ANKRD30A: variants seen among roughly 807,000 people sequenced by gnomAD.
ANKRD30A encodes ankyrin repeat domain-containing protein 30A.
In ANKRD30A, 170 loss-of-function variants were observed where a neutral mutation model predicts 166.3. That is an observed-to-expected ratio of 1.02 (90% confidence interval 0.90 to 1.16). ANKRD30A has a LOEUF of 1.16. Among genes scored for constraint, ANKRD30A ranks in the 50% most tolerant of loss-of-function variants. The pLI, the probability that ANKRD30A is intolerant of heterozygous loss-of-function variation, is 0.00. For synonymous variants in ANKRD30A, 564 were observed against 508.9 expected (o/e 1.11, Z -1.46); for missense variants, 1,630 against 1,518.0 (o/e 1.07, Z -1.23).
the ANKRD30A span, chr10:37,248,274 A>T: frequency 1.8e-6 from 1 of 552,704 alleles, no homozygotes; most frequent in Non-Finnish European, 3.6e-6. Context: ...TGTCACCTCA[A>T]AAAGGCCCTG....
chr10:37,219,557 A>T lies in ANKRD30A; in HGVS notation c.3845A>T (p.Glu1282Val), dbSNP rs1424952808. Reference protein sequence around the residue: ...DALRENTLVSEHAQRDQRETQ... With the variant: ...DALRENTLVSVHAQRDQRETQ... ...CTAAGAGAAAATACATTGGTTTCAG[A>T]ACATGCACAAAGAGACCAACGTGAA... Residue 1282 changes from glutamate (E) to valine (V), a missense_variant, in exon 34 of 36, where the codon GAA (glutamate) becomes GTA (valine). Coordinates refer to ENST00000361713, the MANE Select transcript of ANKRD30A (RefSeq NM_052997.3). 3.7e-6 allele frequency: 6 copies of T among 1,610,388 alleles called. No homozygotes were observed. The highest frequency in any genetic ancestry group is 5.1e-6 in the Non-Finnish European group (6 of 1,177,708).
At chr10:37,204,862 C>T (rs187129824) in intron 31 of ANKRD30A, among the ~76,000 whole-genome samples, 2 of 152,220 alleles carry the variant, frequency 1.3e-5, no homozygotes, top group East Asian at 1.9e-4. Flanking sequence ...TCATCATCAC[C>T]TGTCATCAGA....
Position 37,197,322 on chromosome 10 carries a change from A to C in ANKRD30A, c.2643+13A>C. 1 of 1,613,328 alleles carries C rather than the reference A, an allele frequency of 6.2e-7. No individual in the cohort carries two copies. The highest frequency in any genetic ancestry group is 8.5e-7 in the Non-Finnish European group (1 of 1,179,766). ...ATCTGCCTTCGAGGTATTTAGTTTT[A>C]TGATTTCATTTTGAATGACTTATTA... On this transcript the variant is annotated intron_variant, in intron 28 of 35. Transcript: ENST00000361713.
intron 32 of ANKRD30A, among the ~76,000 whole-genome samples, chr10:37,217,002 A>G (rs1201456891): frequency 1.3e-5 from 2 of 151,046 alleles, no homozygotes; most frequent in Non-Finnish European, 3.0e-5. Flanking sequence ...TTGCTGTCCT[A>G]CATAAAATGA....
intron 9 of ANKRD30A, 61 bp downstream of exon 9, chr10:37,147,518 A>G: frequency 8.9e-7 from 1 of 1,119,170 alleles, no homozygotes; most frequent in Non-Finnish European, 1.3e-6. Context: ...ATGCATGATG[A>G]CTGATATACT....
At chr10:37,264,076 A>AT in the ANKRD30A span, among the ~76,000 whole-genome samples, 5 of 152,230 alleles carry the variant, frequency 3.3e-5, no homozygotes, top group South Asian at 2.1e-4. Flanking sequence ...TCCATTTCAG[A>AT]TTTTTTTTAA....
downstream of ANKRD30A, among the ~76,000 whole-genome samples, chr10:37,235,647 T>C (rs941974250): frequency 1.3e-5 from 2 of 152,134 alleles, no homozygotes; most frequent in African/African-American, 2.4e-5. Context: ...TTTAAACTTA[T>C]AATATCAAGT....
intron 31 of ANKRD30A, among the ~76,000 whole-genome samples, chr10:37,205,798 T>C (rs1000684891): frequency 3.3e-5 from 5 of 152,206 alleles, no homozygotes; most frequent in Non-Finnish European, 7.3e-5. Context: ...TTGTTAACAG[T>C]GCACATTCTG....
the ANKRD30A span, among the ~76,000 whole-genome samples, chr10:37,263,678 G>T: frequency 3.3e-5 from 5 of 152,260 alleles, no homozygotes; most frequent in Admixed American, 3.3e-4. Context: ...CAGTGATAGG[G>T]AATGGCTGTA....
At chr10:37,163,121 AG>A (rs1179437288) in intron 17 of ANKRD30A, among the ~76,000 whole-genome samples, 1 of 150,868 alleles carries the variant, frequency 6.6e-6, no homozygotes, top group Non-Finnish European at 1.5e-5. Flanking sequence ...GTATTTCTTA[AG>A]GATTCAAGAA....
At chr10:37,153,741 T>A (rs1232360086) in intron 13 of ANKRD30A, 79 bp downstream of exon 13, 1 of 1,564,974 alleles carries the variant, frequency 6.4e-7, no homozygotes, top group Non-Finnish European at 8.7e-7. Context: ...CTCTAGTAGC[T>A]GAAGAAAATT....
intron 19 of ANKRD30A, 95 bp downstream of exon 19, chr10:37,166,790 C>G: frequency 6.5e-7 from 1 of 1,544,814 alleles, no homozygotes; most frequent in South Asian, 1.2e-5. Context: ...AAATTACCTC[C>G]TAAATGCAAA....
Position 37,192,980 on chromosome 10 carries a change from A to G in ANKRD30A, c.2513-84A>G. 7 of 1,490,510 alleles carry G rather than the reference A, an allele frequency of 4.7e-6. No individual in the cohort carries two copies. The Admixed American group carries it at 5.0e-5, about 11-fold the overall frequency. The allele number at this position is 1,490,510 out of a possible 1,614,324, so 92.3% of individuals were successfully genotyped here. On this transcript the variant is annotated intron_variant, in intron 25 of 35. Coordinates refer to ENST00000361713, the MANE Select transcript of ANKRD30A (RefSeq NM_052997.3). ...TTTTGCAATCCAAGCATGAGGATTC[A>G]TCTTCATGTTGACAGTGCGTGAATG...
In ANKRD30A at chr10:37,219,515, A is replaced by G. The variant is rs370783567; in HGVS notation, c.3803A>G (p.Asn1268Ser). The change falls in exon 34 of 36, where the codon AAT (asparagine) becomes AGT (serine). Residue 1268 changes from asparagine to serine, a missense_variant. Around this residue, in one of 4 missense-constraint regions of ANKRD30A, gnomAD observed 712 missense variants for 629.3 expected, o/e 1.13. Transcript: ENST00000361713. ...RKSKSLKINL[N>S]YAGDALRENT... is the part of the protein sequence containing the mutation. ...TCCAAAAGCCTAAAAATTAATCTCA[A>G]TTATGCAGGAGATGCTCTAAGAGAA... is the stretch of plus-strand genomic sequence containing the variant. The G allele has an allele frequency of 4.3e-6, 7 of 1,610,392 alleles. No homozygotes were observed. Among genetic ancestry groups the G allele is most frequent in the Admixed American group, 3.4e-5 (2 of 59,612 alleles).
At chr10:37,223,783 ATC>A (rs1487782260) in intron 34 of ANKRD30A, among the ~76,000 whole-genome samples, 4 of 151,280 alleles carry the variant, frequency 2.6e-5, no homozygotes, top group African/African-American at 9.7e-5. Flanking sequence ...AAAGAAGAGT[ATC>A]TCTAGATTTT....
rs777064189 is a variant in ANKRD30A at position 37,152,055 on chromosome 10, T to C, written c.1646-5T>C. ...ATGAATGTTTCTGTGATTAACCTTT[T>C]ATAGATCCGATGTTCCCACCAGAAT... On this transcript the variant is annotated splice_polypyrimidine_tract_variant and splice_region_variant and intron_variant, in intron 11 of 35. Coordinates refer to ENST00000361713, the MANE Select transcript of ANKRD30A (RefSeq NM_052997.3). 1.2e-6 allele frequency: 2 copies of C among 1,605,974 alleles called. No individual in the cohort carries two copies. Among genetic ancestry groups the C allele is most frequent in the Non-Finnish European group, 1.7e-6 (2 of 1,175,122 alleles).
Position 37,197,470 on chromosome 10 carries a change from A to G in ANKRD30A, c.2706A>G (p.Thr902=). The change falls in exon 29 of 36, where the codon ACA becomes ACG. Residue 902 remains threonine, a synonymous_variant. Transcript: ENST00000361713. ...NKALELKNEQ[T]LRADQMFPSE... The stretch of plus-strand genomic sequence containing the variant: ...CCTTGGAATTGAAGAATGAACAAAC[A>G]TTGAGAGCAGGTACATTTTTCAATG... 8 of 1,612,376 alleles carry G rather than the reference A, an allele frequency of 5.0e-6. No homozygotes were observed. The highest frequency in any genetic ancestry group is 6.8e-6 in the Non-Finnish European group (8 of 1,179,670).
rs1427803211 is a variant in ANKRD30A at position 37,219,848 on chromosome 10, A to G, written c.4136A>G (p.His1379Arg). The change falls in exon 34 of 36, where the codon CAT becomes CGT. Residue 1379 changes from histidine (H) to arginine (R), a missense_variant. By Grantham distance (29) the His-to-Arg change is conservative (BLOSUM62 0). Around this residue, in one of 4 missense-constraint regions of ANKRD30A, gnomAD observed 712 missense variants for 629.3 expected, o/e 1.13. Coordinates refer to ENST00000361713, the MANE Select transcript of ANKRD30A (RefSeq NM_052997.3). ...KNEEIFNYNN[H>R]LKNRIYQYEK... ...GAGGAGATATTTAATTACAATAACC[A>G]TTTAAAAAACCGTATATATCAATAT... 1 of 1,582,542 alleles carries G rather than the reference A, an allele frequency of 6.3e-7. No homozygotes were observed. The highest frequency in any genetic ancestry group is 8.6e-7 in the Non-Finnish European group (1 of 1,163,388).
intron 21 of ANKRD30A, among the ~76,000 whole-genome samples, chr10:37,171,988 C>A (rs1457904028): frequency 6.9e-6 from 1 of 145,680 alleles, no homozygotes; most frequent in African/African-American, 2.6e-5. Flanking sequence ...TAAAGTATAC[C>A]TAATATAGTT....
Sources: gnomAD v4.1 joint callset for allele counts (sites outside exome capture counted in the v4.1 genomes callset) on GRCh38, gnomAD v4.1.1 for gene constraint, gnomAD v4.1.1 regional missense constraint, MANE v1.5 for transcripts, NCBI Gene and HGNC (gene_info 2026-07-23, HGNC 2026-07-21) for gene names.